GALNTL6: variants seen among roughly 807,000 people sequenced by gnomAD.
GALNTL6 encodes polypeptide N-acetylgalactosaminyltransferase like 6.
Under a neutral mutation model 73.7 loss-of-function variants are expected in GALNTL6, and 46 were observed. That is an observed-to-expected ratio of 0.62 (90% CI 0.49 to 0.80). The LOEUF is 0.80. Among genes scored for constraint, GALNTL6 ranks in the 30% least tolerant of loss-of-function variants. GALNTL6 has a pLI of 0.00. For synonymous variants in GALNTL6, 259 were observed against 263.7 expected (o/e 0.98, Z 0.17); for missense variants, 604 against 755.0 (o/e 0.80, Z 2.34).
chr4:172,862,519 A>G (rs1744447620), intron 7 of GALNTL6, among the ~76,000 whole-genome samples: 1 of 152,122 alleles, frequency 6.6e-6, no homozygotes, highest in African/African-American at 2.4e-5. Context: ...CAATATGGTG[A>G]AAACCTCATC....
At chr4:173,008,975 G>A (rs1752419727) in intron 10 of GALNTL6, among the ~76,000 whole-genome samples, 1 of 152,160 alleles carries the variant, frequency 6.6e-6, no homozygotes, top group Non-Finnish European at 1.5e-5. Context: ...CAGAATTCTT[G>A]TTAAGCCTGT....
intron 5 of GALNTL6, among the ~76,000 whole-genome samples, chr4:172,351,473 G>T (rs1403496442): frequency 1.4e-4 from 22 of 152,052 alleles, no homozygotes. Context: ...GTGTTTAGCA[G>T]AATCCTTTTC....
intron 2 of GALNTL6, among the ~76,000 whole-genome samples, chr4:172,105,035 T>A (rs1357637887): frequency 2.6e-5 from 4 of 152,066 alleles, no homozygotes; most frequent in African/African-American, 9.7e-5. Context: ...TCACATGGAT[T>A]ATACAATAGC....
At chr4:172,078,580 A>G (rs1394037155) in intron 2 of GALNTL6, among the ~76,000 whole-genome samples, 3 of 152,154 alleles carry the variant, frequency 2.0e-5, no homozygotes, top group African/African-American at 4.8e-5. Flanking sequence ...ATATACATGG[A>G]TATATCTTAG....
At chr4:172,517,366 C>G (rs567353615) in intron 5 of GALNTL6, among the ~76,000 whole-genome samples, 107 of 152,156 alleles carry the variant, frequency 7.0e-4, no homozygotes, top group African/African-American at 2.5e-3. Context: ...TCTTCACTAA[C>G]ATTTTGACTA....
intron 2 of GALNTL6, among the ~76,000 whole-genome samples, chr4:171,956,590 C>T (rs1357276334): frequency 6.6e-6 from 1 of 152,036 alleles, no homozygotes; most frequent in Non-Finnish European, 1.5e-5. Flanking sequence ...CATATTTCTT[C>T]TTTTGTGAAT....
chr4:172,500,880 T>C (rs1734240675), intron 5 of GALNTL6, among the ~76,000 whole-genome samples: 1 of 152,148 alleles, frequency 6.6e-6, no homozygotes, highest in Non-Finnish European at 1.5e-5. Flanking sequence ...GTAGAGGAAA[T>C]AGTTAATTAT....
chr4:173,019,562 T>C (rs1752917905), intron 11 of GALNTL6, among the ~76,000 whole-genome samples: 1 of 152,248 alleles, frequency 6.6e-6, no homozygotes, highest in African/African-American at 2.4e-5. Context: ...CATTCTTCTC[T>C]GCAGGATTTA....
chr4:172,334,464 C>G (rs1485533994), intron 4 of GALNTL6, among the ~76,000 whole-genome samples: 1 of 152,112 alleles, frequency 6.6e-6, no homozygotes, highest in East Asian at 1.9e-4. Context: ...TTTTTCACAT[C>G]TTTGGTAAAA....
Position 172,340,678 on chromosome 4 carries a change from G to A in GALNTL6, c.387-7845G>A, listed in dbSNP as rs76825967. On this transcript the variant is annotated intron_variant, in intron 4 of 12. Coordinates refer to ENST00000506823, the MANE Select transcript of GALNTL6 (RefSeq NM_001034845.3). ...TGATACTATAAGATCTTGCTTTTAAGCTAAGTTGGATCAGAGCTATATTTA... is the reference window on the plus strand; with the variant it reads ...TGATACTATAAGATCTTGCTTTTAAACTAAGTTGGATCAGAGCTATATTTA... Among the ~76,000 whole-genome samples, 561 of 152,294 alleles carry A rather than the reference G, an allele frequency of 3.7e-3. 2 individuals are homozygous for A. The highest frequency in any genetic ancestry group is 0.012 in the African/African-American group (516 of 41,556).
At chr4:172,102,183 G>T (rs146977044) in intron 2 of GALNTL6, among the ~76,000 whole-genome samples, 1 of 152,242 alleles carries the variant, frequency 6.6e-6, no homozygotes, top group East Asian at 1.9e-4. Flanking sequence ...TAACCCAGTG[G>T]AGATTTACTA....
chr4:172,879,328 C>A (rs1476744600), intron 7 of GALNTL6, among the ~76,000 whole-genome samples: 1 of 151,802 alleles, frequency 6.6e-6, no homozygotes. Context: ...AATACACATC[C>A]TTTTCAAATA....
intron 5 of GALNTL6, among the ~76,000 whole-genome samples, chr4:172,420,576 A>G (rs949603773): frequency 3.3e-5 from 5 of 152,182 alleles, no homozygotes; most frequent in African/African-American, 1.2e-4. Flanking sequence ...ATGAGCCTCA[A>G]CATGATGGTA....
At chr4:171,866,621 G>C (rs577848444) in intron 2 of GALNTL6, among the ~76,000 whole-genome samples, 5 of 152,274 alleles carry the variant, frequency 3.3e-5, no homozygotes, top group African/African-American at 9.6e-5. Flanking sequence ...CCATAGACCA[G>C]ATGACTGACA....
At position 173,009,174 on chromosome 4, in the gene GALNTL6, A is replaced by G; in HGVS notation, c.1372-4A>G. 1 of 1,608,878 alleles carries G rather than the reference A, an allele frequency of 6.2e-7. No homozygotes were observed. Among genetic ancestry groups the G allele is most frequent in the Non-Finnish European group, 8.5e-7 (1 of 1,175,190 alleles). On this transcript the variant is annotated splice_region_variant and splice_polypyrimidine_tract_variant and intron_variant, in intron 10 of 12. Transcript: ENST00000506823. Reference sequence around the variant, plus strand: ...ACACTCAAAATTCTTTCTTCTTTCCACAGATCCGAAATGTGGCAGCAAATC... The same window carrying G: ...ACACTCAAAATTCTTTCTTCTTTCCGCAGATCCGAAATGTGGCAGCAAATC...
At chr4:173,010,446 C>G (rs1752495485) in intron 11 of GALNTL6, among the ~76,000 whole-genome samples, 1 of 152,098 alleles carries the variant, frequency 6.6e-6, no homozygotes, top group Non-Finnish European at 1.5e-5. Context: ...CAAATTTTGG[C>G]CATTGTGAAC....
intron 10 of GALNTL6, among the ~76,000 whole-genome samples, chr4:172,991,614 G>T (rs1048514864): frequency 1.3e-5 from 2 of 151,804 alleles, no homozygotes; most frequent in African/African-American, 4.8e-5. Flanking sequence ...TGCCATGTTG[G>T]CCAGGCTGGT....
chr4:172,550,631 T>C (rs991680840), intron 5 of GALNTL6, among the ~76,000 whole-genome samples: 3 of 152,150 alleles, frequency 2.0e-5, no homozygotes, highest in African/African-American at 7.2e-5. Flanking sequence ...AGGATCTTGC[T>C]CTATCACTCA....
In GALNTL6 at chr4:172,533,473, C is replaced by T. The variant is rs186468278; in HGVS notation, c.553+184784C>T. Among the ~76,000 whole-genome samples, 125 of 151,582 alleles carry T rather than the reference C, an allele frequency of 8.2e-4. 1 individual carries two copies. In the East Asian group the frequency reaches 0.018, roughly 21 times the overall value. ...CTGAGTAGCTGGGACTACAGGTGAA[C>T]GCCACCACGCCTGGCTAAATTTTGT... On this transcript the variant is annotated intron_variant, in intron 5 of 12. Coordinates refer to ENST00000506823, the MANE Select transcript of GALNTL6 (RefSeq NM_001034845.3).
Sources: allele counts gnomAD v4.1 joint callset (sites outside exome capture counted in the v4.1 genomes callset), GRCh38; gene constraint gnomAD v4.1.1; transcripts MANE v1.5; gene names NCBI Gene and HGNC (gene_info 2026-07-23, HGNC 2026-07-21).